Variants in ZNF664 observed in about 807,000 individuals in gnomAD.
ZNF664 encodes zinc finger Organ of Corti 1.
ZNF664 carries 10 observed loss-of-function variants against 18.2 expected under a neutral mutation model. That is an observed-to-expected ratio of 0.55 (90% CI 0.34 to 0.93). ZNF664 has a LOEUF of 0.93. Ranked by LOEUF, ZNF664 falls within the 40% of genes least tolerant of loss-of-function variation. The pLI, the probability that ZNF664 is intolerant of heterozygous loss-of-function variation, is 0.02. For synonymous variants in ZNF664, 119 were observed against 104.2 expected, an observed-to-expected ratio of 1.14 and a Z score of -0.86; for missense variants, 193 against 319.0, an observed-to-expected ratio of 0.61 and a Z score of 3.01.
rs1445946915 is a variant in ZNF664 at position 124,014,444 on chromosome 12, A to C, written c.*1514A>C. On this transcript the variant is annotated 3_prime_UTR_variant, in exon 5 of 5. Coordinates refer to ENST00000337815, the MANE Select transcript of ZNF664 (RefSeq NM_152437.3). The stretch of plus-strand genomic sequence containing the variant: ...TTTGCTAGATTGATATTAAAAACTC[A>C]TGTGGAGGAACTCAAGGAATGTTTA... 1.2e-5 allele frequency: 2 copies of C among 167,090 alleles called. No homozygotes were observed. Among genetic ancestry groups the C allele is most frequent in the Non-Finnish European group, 2.9e-5 (2 of 68,108 alleles). 10.4% of individuals were successfully genotyped at this position (167,090 alleles called of 1,614,324 possible). A position where few individuals can be genotyped will look rare whatever the true frequency, so the allele number is the denominator to read the frequency against.
chr12:124,011,516 T>G, intron 4 of ZNF664, 30 bp from the exon 5 acceptor site: 1 of 799,388 alleles, frequency 1.3e-6, no homozygotes, highest in Non-Finnish European at 1.5e-6. Context: ...AAAAGCATTT[T>G]CAATTTATTT....
At chr12:124,008,097 T>A (rs1165715177) in intron 3 of ZNF664, among the ~76,000 whole-genome samples, 1 of 152,176 alleles carries the variant, frequency 6.6e-6, no homozygotes, top group Non-Finnish European at 1.5e-5. Context: ...ATGTCTCAAA[T>A]CGCTTTCATT....
At chr12:123,981,551 A>G (rs544084614) in intron 2 of ZNF664, among the ~76,000 whole-genome samples, 7 of 152,196 alleles carry the variant, frequency 4.6e-5, no homozygotes, top group Non-Finnish European at 1.0e-4. Context: ...AGCTGTCACC[A>G]GATGTGGTCC....
rs1482070951 is a variant in ZNF664, at chr12:124,015,041, A to T, written c.*2111A>T. The T allele has an allele frequency of 1.2e-5, 2 of 167,138 alleles. No individual in the cohort carries two copies. Among genetic ancestry groups the T allele is most frequent in the African/African-American group, 4.8e-5 (2 of 41,464 alleles). 10.4% of individuals were successfully genotyped at this position (167,138 alleles called of 1,614,324 possible). A position where few individuals can be genotyped will look rare whatever the true frequency, so the allele number is the denominator to read the frequency against. On this transcript the variant is annotated 3_prime_UTR_variant, in exon 5 of 5. Coordinates refer to ENST00000337815, the MANE Select transcript of ZNF664 (RefSeq NM_152437.3). ...ACTCTTTCATGTCACAATAGCGTGG[A>T]GCATTAGAGAAAAGCCTAGACTTTT...
At chr12:123,994,366 T>G (rs1473796835) in intron 3 of ZNF664, among the ~76,000 whole-genome samples, 1 of 152,216 alleles carries the variant, frequency 6.6e-6, no homozygotes, top group East Asian at 1.9e-4. Context: ...GACTAAAGTT[T>G]TATGAAGATA....
At chr12:123,992,052 T>A (rs12809473) in intron 3 of ZNF664, among the ~76,000 whole-genome samples, 48,738 of 152,120 alleles carry the variant, frequency 0.32, 7,972 homozygotes, top group Middle Eastern at 0.37. Context: ...ATCTTCCCTA[T>A]AGCTCATTAA....
At chr12:123,973,383 T>A (rs1167130948) in intron 1 of ZNF664, 31 bp downstream of exon 1, 2 of 957,924 alleles carry the variant, frequency 2.1e-6, no homozygotes, top group African/African-American at 1.9e-5. Context: ...CTGCAGTCTT[T>A]CTTTCTTTCC....
chr12:123,994,015 C>T (rs560244984), intron 3 of ZNF664, among the ~76,000 whole-genome samples: 1 of 152,270 alleles, frequency 6.6e-6, no homozygotes, highest in South Asian at 2.1e-4. Context: ...ATTCTGAATC[C>T]TTTATAAAGC....
intron 3 of ZNF664, among the ~76,000 whole-genome samples, chr12:123,995,141 G>A (rs1397589269): frequency 5.9e-5 from 9 of 152,218 alleles, no homozygotes; most frequent in Admixed American, 5.9e-4. Flanking sequence ...GTAGGGAGAG[G>A]TGTTGAGCAT....
chr12:124,008,669 AT>A, intron 3 of ZNF664, among the ~76,000 whole-genome samples: 1 of 152,220 alleles, frequency 6.6e-6, no homozygotes, highest in East Asian at 1.9e-4. Flanking sequence ...GGGTCTCTCC[AT>A]CTCTCTGCCT....
intron 2 of ZNF664, among the ~76,000 whole-genome samples, chr12:123,977,886 A>T (rs1956714959): frequency 1.3e-5 from 2 of 152,214 alleles, no homozygotes; most frequent in African/African-American, 4.8e-5. Flanking sequence ...CCTGAGTCTA[A>T]AGAAAATGTA....
At position 123,974,713 on chromosome 12, in the gene ZNF664, T is replaced by C. The variant is rs116015829; in HGVS notation, c.-757+693T>C. On this transcript the variant is annotated intron_variant, in intron 2 of 4. Coordinates refer to ENST00000337815, the MANE Select transcript of ZNF664 (RefSeq NM_152437.3). ...TACTTTTACGTGTGTGCACTTAACA[T>C]CATTTTTGACTGCTTTAACAAGGAC... Among the ~76,000 whole-genome samples, 317 of 152,352 alleles carry C rather than the reference T, an allele frequency of 2.1e-3. 3 individuals carry two copies. Among genetic ancestry groups the C allele is most frequent in the African/African-American group, 7.5e-3 (310 of 41,586 alleles).
intron 2 of ZNF664, among the ~76,000 whole-genome samples, chr12:123,980,839 A>AT (rs1332468577): frequency 1.3e-5 from 2 of 152,224 alleles, no homozygotes; most frequent in Non-Finnish European, 2.9e-5. Flanking sequence ...ATTTGCCAAG[A>AT]TTACATGTAC....
In ZNF664 at chr12:124,011,374, C is replaced by G; in HGVS notation, c.-660-7C>G. On this transcript the variant is annotated splice_polypyrimidine_tract_variant and splice_region_variant and intron_variant, in intron 3 of 4. Coordinates refer to ENST00000337815, the MANE Select transcript of ZNF664 (RefSeq NM_152437.3). Reference sequence around the variant, plus strand: ...GGAGCATGATATCTACAAATTCTCTCCTTCAGACCTGCAAATCCAAGAGAC... The same window carrying G: ...GGAGCATGATATCTACAAATTCTCTGCTTCAGACCTGCAAATCCAAGAGAC... 2.0e-6 allele frequency: 2 copies of G among 1,009,042 alleles called. No individual in the cohort carries two copies. Among genetic ancestry groups the G allele is most frequent in the Non-Finnish European group, 2.4e-6 (2 of 848,216 alleles). The allele number at this position is 1,009,042 out of a possible 1,614,324, so 62.5% of individuals were successfully genotyped here.
intron 3 of ZNF664, chr12:123,997,571 CCTGT>C (rs1323568986): frequency 6.6e-6 from 1 of 152,262 alleles, no homozygotes; most frequent in African/African-American, 2.4e-5. Flanking sequence ...GGCCTTTTTC[CCTGT>C]CTGTGTGTGT....
Position 124,014,251 on chromosome 12 carries a change from G to A in ZNF664, c.*1321G>A, listed in dbSNP as rs1012582350. 7.8e-5 allele frequency: 13 copies of A among 167,144 alleles called. No individual in the cohort carries two copies. The highest frequency in any genetic ancestry group is 1.0e-4 in the Non-Finnish European group (7 of 68,232). 10.4% of individuals were successfully genotyped at this position (167,144 alleles called of 1,614,324 possible). ...CGCGGTGGGATGTTGAGCTGAGGCC[G>A]GAGGAGAAGTAGCAGTCGCTGGCAG... On this transcript the variant is annotated 3_prime_UTR_variant, in exon 5 of 5. Coordinates refer to ENST00000337815, the MANE Select transcript of ZNF664 (RefSeq NM_152437.3).
At chr12:124,010,469 C>T (rs141635870) in intron 3 of ZNF664, among the ~76,000 whole-genome samples, 1 of 152,204 alleles carries the variant, frequency 6.6e-6, no homozygotes, top group African/African-American at 2.4e-5. Flanking sequence ...TCTTTTATCT[C>T]CTCCTTATTC....
chr12:123,987,241 C>T (rs1280013409), intron 2 of ZNF664, among the ~76,000 whole-genome samples: 1 of 152,170 alleles, frequency 6.6e-6, no homozygotes, highest in East Asian at 1.9e-4. Context: ...ATGTCCCATC[C>T]ACATGTAGAT....
intron 3 of ZNF664, chr12:123,997,758 A>T (rs1027404292): frequency 9.2e-5 from 14 of 152,368 alleles, no homozygotes; most frequent in African/African-American, 3.4e-4. Context: ...TATTCAACCC[A>T]GTATACTTTT....
Sources: allele counts gnomAD v4.1 joint callset (sites outside exome capture counted in the v4.1 genomes callset), GRCh38; gene constraint gnomAD v4.1.1; transcripts MANE v1.5; gene names NCBI Gene and HGNC (gene_info 2026-07-23, HGNC 2026-07-21).